ROR1: variants seen among roughly 807,000 people sequenced by gnomAD.
The protein encoded by ROR1 is ROR family WNT receptor 1, also known as inactive tyrosine-protein kinase transmembrane receptor ROR1.
ROR1 carries 19 observed loss-of-function variants against 78.8 expected under a neutral mutation model. The observed-to-expected ratio is 0.24, with a 90% CI of 0.17 to 0.35. ROR1 has a LOEUF of 0.35. Ranked by LOEUF, ROR1 falls within the 10% of genes least tolerant of loss-of-function variation. The pLI is 1.00. For synonymous variants in ROR1, 386 were observed against 433.6 expected (o/e 0.89, Z 1.36); for missense variants, 917 against 1,177.8 (o/e 0.78, Z 3.24).
chr1:64,145,698 AT>A (rs1284446105), intron 7 of ROR1, among the ~76,000 whole-genome samples: 2 of 152,174 alleles, frequency 1.3e-5, no homozygotes, highest in Non-Finnish European at 2.9e-5. Flanking sequence ...CAAAACATAG[AT>A]TTACTTAGTT....
At chr1:63,939,565 G>A (rs1187802283) in intron 1 of ROR1, among the ~76,000 whole-genome samples, 1 of 152,024 alleles carries the variant, frequency 6.6e-6, no homozygotes, top group East Asian at 1.9e-4. Context: ...TAAGTTAAAC[G>A]AAATACAAAT....
At chr1:63,893,570 G>A (rs1204306966) in intron 1 of ROR1, among the ~76,000 whole-genome samples, 1 of 152,072 alleles carries the variant, frequency 6.6e-6, no homozygotes, top group Non-Finnish European at 1.5e-5. Context: ...GTTTTTGTGG[G>A]TTTCTTAATT....
At chr1:64,040,346 G>T (rs921845105) in intron 2 of ROR1, among the ~76,000 whole-genome samples, 1 of 152,108 alleles carries the variant, frequency 6.6e-6, no homozygotes, top group African/African-American at 2.4e-5. Flanking sequence ...TCATTTCCCT[G>T]ATGGTTAAGT....
intron 8 of ROR1, among the ~76,000 whole-genome samples, chr1:64,161,794 A>C (rs1162582682): frequency 2.1e-5 from 3 of 142,488 alleles, no homozygotes; most frequent in Non-Finnish European, 1.6e-5. Flanking sequence ...GGGGAAAGGA[A>C]ACAACAAAAA....
rs1204828890 is a variant in ROR1, at chr1:63,925,938, C to A, written c.92-83367C>A. 4.0e-5 allele frequency among the ~76,000 whole-genome samples: 6 copies of A among 149,204 alleles called. No homozygotes were observed. The East Asian group carries it at 7.8e-4, about 19-fold the overall frequency. Reference sequence around the variant, plus strand: ...AGCCCTTTGTCAGATGAGTAGGTTGCGAAAATTTTCTCCCATTCTGTAGGT... The same window carrying A: ...AGCCCTTTGTCAGATGAGTAGGTTGAGAAAATTTTCTCCCATTCTGTAGGT... On this transcript the variant is annotated intron_variant, in intron 1 of 8. Transcript: ENST00000371079.
chr1:64,013,391 CTCT>C (rs1296233426), intron 2 of ROR1, among the ~76,000 whole-genome samples: 3 of 152,134 alleles, frequency 2.0e-5, no homozygotes, highest in African/African-American at 4.8e-5. Flanking sequence ...CCCCTACTGA[CTCT>C]TCTTATCTTA....
At chr1:63,817,049 A>G (rs1330999677) in intron 1 of ROR1, among the ~76,000 whole-genome samples, 1 of 152,212 alleles carries the variant, frequency 6.6e-6, no homozygotes, top group African/African-American at 2.4e-5. Context: ...TCAAAGCATT[A>G]CCCTTCTCTG....
chr1:64,027,550 A>G (rs890229742), intron 2 of ROR1, among the ~76,000 whole-genome samples: 1 of 152,114 alleles, frequency 6.6e-6, no homozygotes, highest in Non-Finnish European at 1.5e-5. Flanking sequence ...CTCTCATTGT[A>G]TAATCGGTGT....
intron 1 of ROR1, among the ~76,000 whole-genome samples, chr1:63,820,338 A>T (rs143370062): frequency 6.6e-6 from 1 of 152,234 alleles, no homozygotes; most frequent in East Asian, 1.9e-4. Flanking sequence ...ACCCCCCTGT[A>T]CTGCTGCAGG....
intron 1 of ROR1, among the ~76,000 whole-genome samples, chr1:63,858,619 T>A (rs1004401380): frequency 6.6e-6 from 1 of 152,240 alleles, no homozygotes; most frequent in Non-Finnish European, 1.5e-5. Flanking sequence ...GTGTACTTTG[T>A]ATTTAAATCT....
chr1:63,833,310 G>C (rs878989716), intron 1 of ROR1, among the ~76,000 whole-genome samples: 1 of 152,224 alleles, frequency 6.6e-6, no homozygotes, highest in Admixed American at 6.5e-5. Flanking sequence ...CTGAGTGGAA[G>C]GGTTTTGGTG....
chr1:64,067,710 C>CTTTTTTTTTTTTTTT lies in ROR1; in HGVS notation c.482+17000_482+17014dup, dbSNP rs986756579. On this transcript the variant is annotated intron_variant, in intron 4 of 8. Coordinates refer to ENST00000371079, the MANE Select transcript of ROR1 (RefSeq NM_005012.4). ...TATTTCTATCCAAGTTAAATAAATT[C>CTTTTTTTTTTTTTTT]TTTTTTTTTTTTTTTTTTTTGAGAC... is the stretch of plus-strand genomic sequence containing the variant. Among the ~76,000 whole-genome samples the CTTTTTTTTTTTTTTT allele has an allele frequency of 5.2e-4, 55 of 105,636 alleles. 1 individual carries two copies. Among genetic ancestry groups the CTTTTTTTTTTTTTTT allele is most frequent in the African/African-American group, 1.1e-3 (27 of 23,494 alleles). The allele number at this position is 105,636 out of a possible 152,430, so 69.3% of individuals were successfully genotyped here.
At chr1:63,857,162 T>G (rs1420302201) in intron 1 of ROR1, among the ~76,000 whole-genome samples, 1 of 152,076 alleles carries the variant, frequency 6.6e-6, no homozygotes, top group Non-Finnish European at 1.5e-5. Context: ...CAGAAGTTTT[T>G]TTTTTTTTTT....
chr1:64,093,718 C>T (rs1647227336), intron 4 of ROR1, among the ~76,000 whole-genome samples: 1 of 152,088 alleles, frequency 6.6e-6, no homozygotes, highest in Non-Finnish European at 1.5e-5. Flanking sequence ...GATACGGTAA[C>T]TTGCCTAAGA....
rs1275977239 is a variant in ROR1, at chr1:64,181,012, A to G, written c.*2157A>G. On this transcript the variant is annotated 3_prime_UTR_variant, in exon 9 of 9. Coordinates refer to ENST00000371079, the MANE Select transcript of ROR1 (RefSeq NM_005012.4). ...TATTTTATAATCGCACTGTGATACT[A>G]TATAACACAGTCTCTTTTGTATTAA... 1 of 152,152 alleles carries G rather than the reference A, an allele frequency of 6.6e-6. No individual in the cohort carries two copies. The highest frequency in any genetic ancestry group is 1.5e-5 in the Non-Finnish European group (1 of 67,958). 9.4% of individuals were successfully genotyped at this position (152,152 alleles called of 1,614,324 possible).
intron 1 of ROR1, among the ~76,000 whole-genome samples, chr1:63,948,190 CA>C (rs1218571589): frequency 6.6e-6 from 1 of 152,068 alleles, no homozygotes; most frequent in Non-Finnish European, 1.5e-5. Context: ...ATAAAACAAA[CA>C]AACAATGAAA....
chr1:63,793,620 G>A (rs1381606480), intron 1 of ROR1, among the ~76,000 whole-genome samples: 2 of 152,330 alleles, frequency 1.3e-5, no homozygotes, highest in East Asian at 1.9e-4. Context: ...CTGGGTGCTT[G>A]CTCTAGGGAA....
intron 1 of ROR1, among the ~76,000 whole-genome samples, chr1:63,891,434 C>T (rs1402306461): frequency 6.6e-6 from 1 of 152,130 alleles, no homozygotes. Flanking sequence ...CCTGGAAATG[C>T]ACCTCATGGG....
At chr1:63,790,908 G>GC (rs912001111) in intron 1 of ROR1, among the ~76,000 whole-genome samples, 3 of 152,168 alleles carry the variant, frequency 2.0e-5, no homozygotes, top group Non-Finnish European at 4.4e-5. Context: ...GGCCAGAAAT[G>GC]CCCCCTTGTC....
Sources: gnomAD v4.1 joint callset for allele counts (sites outside exome capture counted in the v4.1 genomes callset) on GRCh38, gnomAD v4.1.1 for gene constraint, MANE v1.5 for transcripts, NCBI Gene and HGNC (gene_info 2026-07-23, HGNC 2026-07-21) for gene names.